The following HIVEP3 variants were observed in gnomAD, a reference collection of about 807,000 sequenced individuals.
HIVEP3 encodes the protein HIVEP zinc finger 3.
In HIVEP3, 49 loss-of-function variants were observed where a neutral mutation model predicts 152.8. That is an observed-to-expected ratio of 0.32 (90% CI 0.26 to 0.41). HIVEP3 has a LOEUF of 0.41. HIVEP3 is among the 10% of genes least tolerant of loss of function. The probability of loss-of-function intolerance (pLI) is 1.00; values close to 1 mark genes in which losing one functional copy is unlikely to be tolerated. For missense variants in HIVEP3, 2,790 were observed against 3,103.3 expected (o/e 0.90, Z 2.40); for synonymous variants, 1,269 against 1,289.0 (o/e 0.98, Z 0.33).
In HIVEP3 at chr1:41,743,859, G is replaced by A. The variant is rs111745858; in HGVS notation, c.-800-42864C>T. 9.2e-5 allele frequency among the ~76,000 whole-genome samples: 14 copies of A among 152,228 alleles called. 1 individual carries two copies. Among genetic ancestry groups the A allele is most frequent in the African/African-American group, 3.1e-4 (13 of 41,544 alleles). On this transcript the variant is annotated intron_variant, in intron 1 of 8. Coordinates refer to ENST00000372583, the MANE Select transcript of HIVEP3 (RefSeq NM_024503.5). ...ATGTGGGCAAACCTGGTCAAGCAGA[G>A]TAATTGGGAAATGGAAGGGAAATGG... is the stretch of plus-strand genomic sequence containing the variant.
intron 1 of HIVEP3, among the ~76,000 whole-genome samples, chr1:42,018,759 A>G (rs891795515): frequency 1.3e-5 from 2 of 152,104 alleles, no homozygotes; most frequent in African/African-American, 4.8e-5. Context: ...CATAGACAGC[A>G]TCAGAGGAAC....
intron 5 of HIVEP3, among the ~76,000 whole-genome samples, chr1:41,525,473 G>A (rs1284031833): frequency 2.6e-5 from 4 of 152,196 alleles, no homozygotes; most frequent in Non-Finnish European, 5.9e-5. Flanking sequence ...ATCAGGCTTT[G>A]AACCTGCCTG....
chr1:41,665,424 G>A (rs903012081), intron 2 of HIVEP3, among the ~76,000 whole-genome samples: 6 of 152,070 alleles, frequency 3.9e-5, no homozygotes, highest in Admixed American at 1.3e-4. Flanking sequence ...GGCCCTGGGG[G>A]CCTTCCCACA....
intron 1 of HIVEP3, among the ~76,000 whole-genome samples, chr1:42,000,928 T>C (rs753344676): frequency 5.3e-5 from 8 of 152,238 alleles, no homozygotes; most frequent in Non-Finnish European, 1.2e-4. Flanking sequence ...CAAGCATCCA[T>C]ATGGCACTGA....
intron 2 of HIVEP3, among the ~76,000 whole-genome samples, chr1:41,693,811 G>T (rs1164144324): frequency 6.6e-6 from 1 of 151,916 alleles, no homozygotes; most frequent in Non-Finnish European, 1.5e-5. Context: ...TTTGGTGTAG[G>T]AACTGAGGTA....
At chr1:41,771,510 T>A (rs1040429210) in intron 1 of HIVEP3, among the ~76,000 whole-genome samples, 92 of 152,238 alleles carry the variant, frequency 6.0e-4, no homozygotes, top group Admixed American at 4.1e-3. Flanking sequence ...TTCTCTCCTC[T>A]CCTCCCTGCC....
intron 1 of HIVEP3, among the ~76,000 whole-genome samples, chr1:41,874,925 G>T (rs138713640): frequency 0.016 from 2,366 of 152,268 alleles, 36 homozygotes; most frequent in Non-Finnish European, 0.02. Context: ...GGCTGGCCTT[G>T]GTGCTGGCTC....
Position 41,511,006 on chromosome 1 carries a change from G to C in HIVEP3, c.6666C>G (p.Val2222=). The C allele has an allele frequency of 6.2e-7, 1 of 1,613,564 alleles. No individual in the cohort carries two copies. The highest frequency in any genetic ancestry group is 1.3e-5 in the African/African-American group (1 of 75,046). ...TLLPGPTAAW[V]SGFSGGGSDL... Reference sequence around the variant, plus strand: ...CGCTGCCACCCCCGGAGAAGCCACTGACCCAGGCTGCGGTGGGCCCTGGCA... The same window carrying C: ...CGCTGCCACCCCCGGAGAAGCCACTCACCCAGGCTGCGGTGGGCCCTGGCA... The change falls in exon 9 of 9, where the codon GTC becomes GTG. Residue 2222 remains valine, a synonymous_variant. Transcript: ENST00000372583. The surrounding 1 kb of genome is among the most constrained non-coding windows in gnomAD (Gnocchi z 4.9).
At chr1:41,943,056 C>T (rs1238038524) in intron 1 of HIVEP3, among the ~76,000 whole-genome samples, 5 of 152,256 alleles carry the variant, frequency 3.3e-5, no homozygotes, top group East Asian at 1.9e-4. Flanking sequence ...CCCGCCATCA[C>T]GCCCAGCTAA....
intron 2 of HIVEP3, among the ~76,000 whole-genome samples, chr1:41,654,966 G>C (rs757711835): frequency 3.3e-5 from 5 of 152,200 alleles, no homozygotes; most frequent in African/African-American, 4.8e-5. Context: ...TCTAGCTTGT[G>C]AGAGAGCTGA....
At chr1:41,910,733 G>GA (rs774161110) in intron 1 of HIVEP3, among the ~76,000 whole-genome samples, 3 of 151,616 alleles carry the variant, frequency 2.0e-5, no homozygotes, top group Admixed American at 2.0e-4. Context: ...ACAAATTAAA[G>GA]AAAAAAATTA....
At chr1:41,815,512 G>C (rs1651207316) in intron 1 of HIVEP3, among the ~76,000 whole-genome samples, 1 of 152,052 alleles carries the variant, frequency 6.6e-6, no homozygotes, top group South Asian at 2.1e-4. Context: ...GAAAGTTCTA[G>C]ACAGAAGGAA....
chr1:41,566,657 T>A (rs1429436978), intron 5 of HIVEP3, among the ~76,000 whole-genome samples: 1 of 152,144 alleles, frequency 6.6e-6, no homozygotes, highest in African/African-American at 2.4e-5. Context: ...ACAGCGCCCA[T>A]CAGTCACCAG....
intron 3 of HIVEP3, among the ~76,000 whole-genome samples, chr1:41,590,623 T>C (rs1644573948): frequency 6.6e-6 from 1 of 152,228 alleles, no homozygotes; most frequent in African/African-American, 2.4e-5. Flanking sequence ...AGCTTGTTAC[T>C]TGGTCCCTTT....
intron 1 of HIVEP3, among the ~76,000 whole-genome samples, chr1:41,867,413 G>A (rs1643997118): frequency 6.6e-6 from 1 of 152,138 alleles, no homozygotes; most frequent in South Asian, 2.1e-4. Context: ...AGGCAAATTT[G>A]GCTCACAAGC....
At position 41,510,698 on chromosome 1, in the gene HIVEP3, G is replaced by A. The variant is rs200705959; in HGVS notation, c.6974C>T (p.Ala2325Val). ...LPRPPQGRRA[A>V]QSWSPRLESP... ...CTCCAAGCGGGGGCTCCAGGACTGCGCTGCCCGGCGTCCCTGGGGCGGCCG... is the reference window on the plus strand; with the variant it reads ...CTCCAAGCGGGGGCTCCAGGACTGCACTGCCCGGCGTCCCTGGGGCGGCCG... The change falls in exon 9 of 9, where the codon GCG (alanine) becomes GTG (valine). Residue 2325 changes from alanine (A) to valine (V), a missense_variant. Around this residue, in one of 9 missense-constraint regions of HIVEP3, gnomAD observed 816 missense variants for 806.5 expected, o/e 1.01. Transcript: ENST00000372583. 192 of 1,524,044 alleles carry A rather than the reference G, an allele frequency of 1.3e-4. 1 individual carries two copies. In the African/African-American group the frequency reaches 1.6e-3, roughly 13 times the overall value. The allele number at this position is 1,524,044 out of a possible 1,614,324, so 94.4% of individuals were successfully genotyped here.
intron 3 of HIVEP3, among the ~76,000 whole-genome samples, chr1:41,591,464 C>G (rs1472232107): frequency 6.6e-6 from 1 of 152,068 alleles, no homozygotes; most frequent in Non-Finnish European, 1.5e-5. Context: ...GGTGAAAGGT[C>G]TGATGGATCT....
At chr1:41,531,252 G>GGAGATGGAGGACAGGA (rs1643238728) in intron 5 of HIVEP3, among the ~76,000 whole-genome samples, 2 of 106,964 alleles carry the variant, frequency 1.9e-5, no homozygotes, top group African/African-American at 3.1e-5. Context: ...GGAGGACAGG[G>GGAGATGGAGGACAGGA]GAGATGGAGG....
At chr1:41,994,056 C>T (rs985905221) in intron 1 of HIVEP3, among the ~76,000 whole-genome samples, 4 of 149,610 alleles carry the variant, frequency 2.7e-5, no homozygotes, top group African/African-American at 7.4e-5. Flanking sequence ...TGCTAGATGA[C>T]GAGTTAGTGG....
Sources: allele counts gnomAD v4.1 joint callset (sites outside exome capture counted in the v4.1 genomes callset), GRCh38; gene constraint gnomAD v4.1.1; regional missense constraint gnomAD v4.1.1; non-coding constraint Gnocchi (gnomAD v3.1); transcripts MANE v1.5; gene names NCBI Gene and HGNC (gene_info 2026-07-23, HGNC 2026-07-21).